The following AVEN variants were observed in gnomAD, a reference collection of about 807,000 sequenced individuals.
The protein encoded by AVEN is apoptosis and caspase activation inhibitor, also known as cell death regulator Aven.
In AVEN, 41 loss-of-function variants were observed where a neutral mutation model predicts 38.1. The observed-to-expected ratio is 1.08, with a 90% CI of 0.84 to 1.40. The LOEUF (loss-of-function observed/expected upper bound fraction) is 1.40, where lower values mean the gene tolerates loss of function less well. Ranked by LOEUF, AVEN falls within the 40% of genes most tolerant of loss-of-function variation. The pLI is 0.00. For synonymous variants in AVEN, 206 were observed against 171.8 expected, an observed-to-expected ratio of 1.20 and a Z score of -1.56; for missense variants, 605 against 438.8, an observed-to-expected ratio of 1.38 and a Z score of -3.38.
chr15:33,997,681 T>A (rs919044242), intron 2 of AVEN, among the ~76,000 whole-genome samples: 34 of 152,120 alleles, frequency 2.2e-4, no homozygotes, highest in African/African-American at 8.2e-4. Flanking sequence ...TTACTGCCCC[T>A]CATCTTCTCT....
chr15:33,993,765 G>C (rs77849105), intron 2 of AVEN, among the ~76,000 whole-genome samples: 17 of 152,054 alleles, frequency 1.1e-4, no homozygotes, highest in African/African-American at 4.1e-4. Flanking sequence ...AGAGGTGACC[G>C]CAATCATGAT....
chr15:33,921,844 G>A (rs526012), intron 2 of AVEN, among the ~76,000 whole-genome samples: 104,603 of 151,942 alleles, frequency 0.69, 36,380 homozygotes, highest in East Asian at 0.81. Context: ...TATTATTATT[G>A]TCTTGTCTCT....
In AVEN at chr15:33,904,716, T is replaced by TACACACACACACACACACAC. The variant is rs371204081; in HGVS notation, c.446-28722_446-28721insGTGTGTGTGTGTGTGTGTGT. On this transcript the variant is annotated intron_variant, in intron 2 of 5. Coordinates refer to ENST00000306730, the MANE Select transcript of AVEN (RefSeq NM_020371.3). Reference sequence around the variant, plus strand: ...AAAAATATATATATATATATATATATACACACACACACGAATATGCACGCT... The same window carrying TACACACACACACACACACAC: ...AAAAATATATATATATATATATATATACACACACACACACACACACACACACACACACGAATATGCACGCT... 1.7e-3 allele frequency among the ~76,000 whole-genome samples: 240 copies of TACACACACACACACACACAC among 143,334 alleles called. 4 individuals are homozygous for TACACACACACACACACACAC. The highest frequency in any genetic ancestry group is 4.9e-3 in the African/African-American group (187 of 37,928). 94.0% of individuals were successfully genotyped at this position (143,334 alleles called of 152,430 possible).
intron 5 of AVEN, among the ~76,000 whole-genome samples, chr15:34,049,450 A>G (rs1188205449): frequency 6.6e-6 from 1 of 152,228 alleles, no homozygotes; most frequent in Non-Finnish European, 1.5e-5. Flanking sequence ...GGAAAAAAGA[A>G]TCGCAGAGTT....
At chr15:33,889,873 T>C (rs932905586) in intron 2 of AVEN, among the ~76,000 whole-genome samples, 16 of 152,254 alleles carry the variant, frequency 1.1e-4, no homozygotes, top group Admixed American at 7.8e-4. Context: ...GGGCATACCA[T>C]TAGAGGGGAG....
chr15:33,861,722 A>G (rs965890801), downstream of AVEN, among the ~76,000 whole-genome samples: 7 of 152,124 alleles, frequency 4.6e-5, no homozygotes, highest in African/African-American at 1.7e-4. Context: ...TTCTGTGTTC[A>G]GTTTTCAGGC....
intron 4 of AVEN, among the ~76,000 whole-genome samples, chr15:33,870,156 A>G (rs1438640785): frequency 6.6e-6 from 1 of 152,108 alleles, no homozygotes; most frequent in Non-Finnish European, 1.5e-5. Context: ...GTACCTTTGA[A>G]GTACCTCAGT....
intron 2 of AVEN, among the ~76,000 whole-genome samples, chr15:33,983,168 G>GTA (rs1896243393): frequency 3.9e-5 from 4 of 101,688 alleles, no homozygotes; most frequent in African/African-American, 1.6e-4. Context: ...GTATGTGTGT[G>GTA]TGTATATATA....
At chr15:33,903,992 T>G (rs887070704) in intron 2 of AVEN, among the ~76,000 whole-genome samples, 1 of 152,232 alleles carries the variant, frequency 6.6e-6, no homozygotes, top group Admixed American at 6.5e-5. Flanking sequence ...TTTGTGTTTC[T>G]GAACATATAT....
intron 2 of AVEN, among the ~76,000 whole-genome samples, chr15:33,983,710 G>A (rs983650618): frequency 2.0e-5 from 3 of 152,028 alleles, no homozygotes; most frequent in South Asian, 2.1e-4. Context: ...TTAGTGACTC[G>A]CTGCTAGTGA....
In AVEN at chr15:34,012,853, G is replaced by T. The variant is rs953933720; in HGVS notation, c.268-9644C>A. On this transcript the variant is annotated intron_variant, in intron 1 of 5. Coordinates refer to ENST00000306730, the MANE Select transcript of AVEN (RefSeq NM_020371.3). ...ATCACATTGCACCAGTCTGTCCTACGGCTAGGTTCTGGGGTTATGTTTACT... is the reference window on the plus strand; with the variant it reads ...ATCACATTGCACCAGTCTGTCCTACTGCTAGGTTCTGGGGTTATGTTTACT... Among the ~76,000 whole-genome samples the T allele has an allele frequency of 3.3e-5, 5 of 152,092 alleles. No homozygotes were observed. In the East Asian group the frequency reaches 5.8e-4, roughly 18 times the overall value.
At chr15:33,905,323 T>C (rs489349) in intron 2 of AVEN, among the ~76,000 whole-genome samples, 138,373 of 152,040 alleles carry the variant, frequency 0.91, 63,830 homozygotes, top group East Asian at 0.99. Context: ...TTATCTAAGC[T>C]TCAATTCTCT....
Position 34,000,363 on chromosome 15 carries a change from T to C in AVEN, c.445+2669A>G, listed in dbSNP as rs550414603. Among the ~76,000 whole-genome samples the C allele has an allele frequency of 2.6e-5, 4 of 152,340 alleles. No homozygotes were observed. In the East Asian group the frequency reaches 5.8e-4, roughly 22 times the overall value. On this transcript the variant is annotated intron_variant, in intron 2 of 5. Coordinates refer to ENST00000306730, the MANE Select transcript of AVEN (RefSeq NM_020371.3). ...ATAGCTGGAACAATGGGTACTTAAATATCTGTTGAATTAACTACACTAGAT... is the reference window on the plus strand; with the variant it reads ...ATAGCTGGAACAATGGGTACTTAAACATCTGTTGAATTAACTACACTAGAT...
At chr15:33,883,662 A>G (rs1344076153) in intron 2 of AVEN, 4 of 152,214 alleles carry the variant, frequency 2.6e-5, no homozygotes, top group African/African-American at 9.6e-5. Flanking sequence ...CTATTTTTAA[A>G]ATGATTATCT....
At chr15:34,051,684 A>G (rs1899929543) in intron 5 of AVEN, among the ~76,000 whole-genome samples, 1 of 152,164 alleles carries the variant, frequency 6.6e-6, no homozygotes, top group East Asian at 1.9e-4. Context: ...CAGAAATCCA[A>G]ACAATCATCA....
chr15:33,961,562 C>A (rs890355788), intron 2 of AVEN, among the ~76,000 whole-genome samples: 1 of 151,812 alleles, frequency 6.6e-6, no homozygotes, highest in Non-Finnish European at 1.5e-5. Flanking sequence ...GCCTGTAATC[C>A]CAGCACTTTG....
intron 2 of AVEN, among the ~76,000 whole-genome samples, chr15:33,987,944 G>A (rs1209849158): frequency 6.6e-6 from 1 of 152,196 alleles, no homozygotes; most frequent in Non-Finnish European, 1.5e-5. Flanking sequence ...CATTCTCTGT[G>A]ACTGTCTACA....
chr15:33,864,083 C>T (rs11072759), downstream of AVEN: 5 of 1,332,526 alleles, frequency 3.8e-6, no homozygotes, highest in African/African-American at 3.0e-5. Flanking sequence ...TTAATCCATG[C>T]GAATGAACTT....
intron 5 of AVEN, among the ~76,000 whole-genome samples, chr15:34,059,076 T>A: frequency 6.7e-6 from 1 of 149,506 alleles, no homozygotes. Flanking sequence ...TTTGCATTTT[T>A]AGTAGAGACA....
Sources: gnomAD v4.1 joint callset for allele counts (sites outside exome capture counted in the v4.1 genomes callset) on GRCh38, gnomAD v4.1.1 for gene constraint, MANE v1.5 for transcripts, NCBI Gene and HGNC (gene_info 2026-07-23, HGNC 2026-07-21) for gene names.